The following CHM variants were observed in gnomAD, a reference collection of about 807,000 sequenced individuals.
CHM encodes CHM Rab escort protein.
A neutral mutation model predicts 49.0 loss-of-function variants in CHM; 10 were observed. The ratio of observed to expected loss-of-function variants is 0.20; its 90% confidence interval spans 0.13 to 0.35. The LOEUF (loss-of-function observed/expected upper bound fraction) is 0.35. Among genes scored for constraint, CHM ranks in the 10% least tolerant of loss-of-function variants. CHM has a pLI of 1.00. For missense variants in CHM, 455 were observed against 478.4 expected, an observed-to-expected ratio of 0.95 and a Z score of 0.46; for synonymous variants, 184 against 167.5, an observed-to-expected ratio of 1.10 and a Z score of -0.76.
chrX:85,929,110 C>T (rs1471611772), intron 8 of CHM, among the ~76,000 whole-genome samples: 1 of 111,467 alleles, frequency 9.0e-6, no homozygotes, highest in African/African-American at 3.3e-5. Context: ...ATTAGGGAAG[C>T]ACAGTGATAC....
chrX:85,913,327 A>AG (rs1569411048), intron 8 of CHM, among the ~76,000 whole-genome samples: 2 of 80,438 alleles, frequency 2.5e-5, no homozygotes, highest in African/African-American at 8.5e-5. Context: ...AAAAAAAAAA[A>AG]AAAAAAAAGA....
At chrX:86,024,044 T>C (rs1049215808) in intron 2 of CHM, among the ~76,000 whole-genome samples, 2 of 111,563 alleles carry the variant, frequency 1.8e-5, no homozygotes, top group African/African-American at 3.3e-5. Context: ...TTGTGACACA[T>C]AGCCAGTGGG....
At chrX:85,933,222 A>C (rs185158536) in intron 8 of CHM, among the ~76,000 whole-genome samples, 26 of 111,145 alleles carry the variant, frequency 2.3e-4, no homozygotes, top group African/African-American at 7.9e-4. Flanking sequence ...GTCTCAAAAA[A>C]TAAAATAAAA....
chrX:85,910,871 C>A (rs972040414), intron 9 of CHM, among the ~76,000 whole-genome samples: 1 of 105,879 alleles, frequency 9.4e-6, no homozygotes, highest in Non-Finnish European at 1.9e-5. Context: ...ACTAACATCA[C>A]TCATCACCCA....
intron 1 of CHM, 56 bp from the exon 2 acceptor site, chrX:86,027,613 A>G (rs1933885463): frequency 9.9e-7 from 1 of 1,013,251 alleles, no homozygotes; most frequent in South Asian, 2.0e-5. Context: ...TATTTTACAT[A>G]AAATGTTCAA....
intron 1 of CHM, among the ~76,000 whole-genome samples, chrX:86,042,351 G>A (rs991938650): frequency 2.7e-5 from 3 of 111,442 alleles, no homozygotes; most frequent in Admixed American, 9.5e-5. Context: ...ATAAAGAAAA[G>A]AGGTTTAATT....
At chrX:85,903,831 T>G (rs1178817431) in intron 9 of CHM, 1 of 308,575 alleles carries the variant, frequency 3.2e-6, no homozygotes, top group Non-Finnish European at 6.3e-6. Context: ...CTGCAGAAAT[T>G]GAGGTGATGG....
intron 2 of CHM, among the ~76,000 whole-genome samples, chrX:86,000,513 CAAAAA>C (rs754600557): frequency 3.9e-4 from 23 of 58,871 alleles, no homozygotes; most frequent in African/African-American, 1.0e-3. Context: ...GGAATATATT[CAAAAA>C]AAAAAAAAAA....
intron 2 of CHM, among the ~76,000 whole-genome samples, chrX:86,005,879 T>C (rs1438073272): frequency 1.8e-5 from 2 of 111,441 alleles, no homozygotes; most frequent in Non-Finnish European, 3.8e-5. Flanking sequence ...TTCCAATCAA[T>C]AGAAAAAGAT....
chrX:85,908,843 C>T (rs1160089278), intron 9 of CHM, among the ~76,000 whole-genome samples: 1 of 111,578 alleles, frequency 9.0e-6, no homozygotes, highest in Non-Finnish European at 1.9e-5. Context: ...TGTTCAACTT[C>T]TTTAAATTTC....
At chrX:85,883,447 G>A (rs868652168) in intron 12 of CHM, among the ~76,000 whole-genome samples, 6 of 111,222 alleles carry the variant, frequency 5.4e-5, no homozygotes, top group Non-Finnish European at 9.5e-5. Context: ...AAGGAACTGA[G>A]TTTGATGATA....
chrX:85,956,370 C>T lies in CHM; in HGVS notation c.949G>A (p.Glu317Lys), dbSNP rs1433745760. The change falls in exon 8 of 15, where the codon GAG becomes AAG. Residue 317 changes from glutamate to lysine, a missense_variant. Glu to Lys is a moderately conservative substitution (Grantham distance 56). Coordinates refer to ENST00000357749, the MANE Select transcript of CHM (RefSeq NM_000390.4). ...KYPDEYKGYE[E>K]ITFYEYLKTQ... The stretch of plus-strand genomic sequence containing the variant: ...TTTAAATATTCATAAAATGTGATCT[C>T]TTCATATCCTATGAAAAGATGAAAT... 8.3e-7 allele frequency: 1 copy of T among 1,204,548 alleles called. No individual in the cohort carries two copies. The highest frequency in any genetic ancestry group is 1.8e-5 in the African/African-American group (1 of 56,988).
intron 13 of CHM, among the ~76,000 whole-genome samples, chrX:85,876,089 C>T (rs911144950): frequency 8.9e-6 from 1 of 111,775 alleles, no homozygotes; most frequent in African/African-American, 3.2e-5. Flanking sequence ...CCAGAGAAGA[C>T]AGACAGATGG....
At chrX:85,867,136 T>G (rs780936541) in intron 14 of CHM, among the ~76,000 whole-genome samples, 23 of 111,753 alleles carry the variant, frequency 2.1e-4, no homozygotes, top group African/African-American at 7.5e-4. Context: ...CAAATCTCAT[T>G]TGCAATTGTA....
At chrX:86,033,802 A>G (rs894787880) in intron 1 of CHM, among the ~76,000 whole-genome samples, 6 of 111,773 alleles carry the variant, frequency 5.4e-5, no homozygotes, top group Non-Finnish European at 9.4e-5. Context: ...TAAATTGACA[A>G]TTATTTTTAT....
In CHM at chrX:85,895,531, G is replaced by C. The variant is rs144858316; in HGVS notation, c.1414-1247C>G. On this transcript the variant is annotated intron_variant, in intron 11 of 14. Coordinates refer to ENST00000357749, the MANE Select transcript of CHM (RefSeq NM_000390.4). ...TGAGGAAATTTTATCCTCTCACATA[G>C]AAAATACTTGTCAAAAGGGAAAAGC... Among the ~76,000 whole-genome samples the C allele has an allele frequency of 6.9e-3, 773 of 111,739 alleles. 8 individuals are homozygous for C. Among genetic ancestry groups the C allele is most frequent in the African/African-American group, 0.024 (739 of 30,713 alleles).
chrX:85,995,645 T>C (rs1886604888), intron 2 of CHM, among the ~76,000 whole-genome samples: 1 of 112,354 alleles, frequency 8.9e-6, no homozygotes, highest in African/African-American at 3.2e-5. Context: ...TGTTTCCTCA[T>C]CTGCAAAAGG....
At chrX:85,975,916 G>T (rs1183394638) in intron 4 of CHM, among the ~76,000 whole-genome samples, 1 of 111,995 alleles carries the variant, frequency 8.9e-6, no homozygotes, top group Non-Finnish European at 1.9e-5. Context: ...TTACAAAAGG[G>T]TATGCATGAA....
chrX:86,032,644 T>C (rs952286645), intron 1 of CHM, among the ~76,000 whole-genome samples: 6 of 112,363 alleles, frequency 5.3e-5, no homozygotes, highest in Non-Finnish European at 9.4e-5. Context: ...CATTATTGAA[T>C]ATAATTATTA....
Sources: gnomAD v4.1 joint callset for allele counts (sites outside exome capture counted in the v4.1 genomes callset) on GRCh38, gnomAD v4.1.1 for gene constraint, MANE v1.5 for transcripts, NCBI Gene and HGNC (gene_info 2026-07-23, HGNC 2026-07-21) for gene names.